CLVS1: variants seen among roughly 807,000 people sequenced by gnomAD.
CLVS1 encodes clavesin 1.
CLVS1 carries 10 observed loss-of-function variants against 33.1 expected under a neutral mutation model. The observed-to-expected ratio is 0.30, with a 90% CI of 0.19 to 0.51. The LOEUF is 0.51. Ranked by LOEUF, CLVS1 falls within the 20% of genes least tolerant of loss-of-function variation. The pLI is 0.97. For missense variants in CLVS1, 343 were observed against 433.4 expected (o/e 0.79, Z 1.85); for synonymous variants, 163 against 166.1 (o/e 0.98, Z 0.14).
At chr8:61,173,243 C>A (rs1236016755) in intron 2 of CLVS1, among the ~76,000 whole-genome samples, 1 of 152,112 alleles carries the variant, frequency 6.6e-6, no homozygotes, top group Admixed American at 6.6e-5. Context: ...GGAATATCAA[C>A]CTATTAATGC....
At chr8:61,184,665 C>T (rs549845352) in intron 2 of CLVS1, among the ~76,000 whole-genome samples, 2 of 152,200 alleles carry the variant, frequency 1.3e-5, no homozygotes, top group African/African-American at 4.8e-5. Flanking sequence ...CATTATCTTT[C>T]CCTGCACCCC....
the CLVS1 span, among the ~76,000 whole-genome samples, chr8:61,014,304 T>A: frequency 6.6e-6 from 1 of 152,182 alleles, no homozygotes; most frequent in Non-Finnish European, 1.5e-5. Context: ...TGGAAACTCC[T>A]CCTTTCTACT....
chr8:61,408,526 G>T (rs992769473), intron 3 of CLVS1, among the ~76,000 whole-genome samples: 4 of 152,052 alleles, frequency 2.6e-5, no homozygotes, highest in Admixed American at 2.6e-4. Flanking sequence ...CCAGGCCAGG[G>T]GACTGGGTTT....
At chr8:61,212,293 G>A (rs1361974055) in intron 2 of CLVS1, among the ~76,000 whole-genome samples, 2 of 152,284 alleles carry the variant, frequency 1.3e-5, no homozygotes, top group Admixed American at 6.5e-5. Flanking sequence ...GGAAGAGTGC[G>A]GATCAAACGG....
At chr8:61,329,892 C>T (rs922881167) in intron 2 of CLVS1, among the ~76,000 whole-genome samples, 1 of 152,086 alleles carries the variant, frequency 6.6e-6, no homozygotes, top group Non-Finnish European at 1.5e-5. Context: ...CCAGTACTGC[C>T]TATTGACCTG....
chr8:61,463,075 T>C (rs909444163), intron 5 of CLVS1, among the ~76,000 whole-genome samples: 1 of 152,260 alleles, frequency 6.6e-6, no homozygotes, highest in African/African-American at 2.4e-5. Context: ...TCATCTTCTA[T>C]ATCATCACTT....
intron 2 of CLVS1, among the ~76,000 whole-genome samples, chr8:61,166,372 G>C (rs997278185): frequency 5.9e-5 from 9 of 152,030 alleles, no homozygotes; most frequent in Non-Finnish European, 1.2e-4. Context: ...AACCTCAGGT[G>C]ATCCTCCTGC....
intron 3 of CLVS1, among the ~76,000 whole-genome samples, chr8:61,453,518 C>A (rs906157558): frequency 6.6e-6 from 1 of 152,200 alleles, no homozygotes; most frequent in Non-Finnish European, 1.5e-5. Flanking sequence ...CAACAAGTAT[C>A]TTTTCCCTAG....
intron 2 of CLVS1, among the ~76,000 whole-genome samples, chr8:61,216,383 A>C (rs1156665655): frequency 6.6e-6 from 1 of 152,176 alleles, no homozygotes; most frequent in East Asian, 1.9e-4. Flanking sequence ...ATATCTGTTG[A>C]GCTCCATCCA....
the CLVS1 span, among the ~76,000 whole-genome samples, chr8:61,010,125 G>A: frequency 1.7e-3 from 259 of 152,260 alleles, 1 homozygote; most frequent in African/African-American, 5.9e-3. Flanking sequence ...CTTGAACCTG[G>A]CCCCAAATGT....
Position 61,152,361 on chromosome 8 carries a change from T to C in CLVS1, c.-152+20501T>C, listed in dbSNP as rs142899464. Among the ~76,000 whole-genome samples, 875 of 152,282 alleles carry C rather than the reference T, an allele frequency of 5.7e-3. 5 individuals carry two copies. The highest frequency in any genetic ancestry group is 8.4e-3 in the Non-Finnish European group (570 of 68,026). ...CATCTGAACCTAACTACCTCCTGTC[T>C]CAGCCCGTTTGTACTGCTATAACAA... is the stretch of plus-strand genomic sequence containing the variant. On this transcript the variant is annotated intron_variant, in intron 2 of 2. Transcript: ENST00000522621.
chr8:61,331,912 A>T (rs1383826130), intron 2 of CLVS1, among the ~76,000 whole-genome samples: 1 of 145,796 alleles, frequency 6.9e-6, no homozygotes, highest in African/African-American at 2.6e-5. Context: ...AAGTTTTCTC[A>T]TGTGTCACTG....
intron 1 of CLVS1, among the ~76,000 whole-genome samples, chr8:61,064,770 T>C (rs939620557): frequency 1.3e-5 from 2 of 151,802 alleles, no homozygotes; most frequent in Non-Finnish European, 2.9e-5. Flanking sequence ...GGCATGATCT[T>C]GGCTCACTGC....
At chr8:61,331,384 A>G (rs1161752371) in intron 2 of CLVS1, among the ~76,000 whole-genome samples, 1 of 152,014 alleles carries the variant, frequency 6.6e-6, no homozygotes, top group Non-Finnish European at 1.5e-5. Context: ...TTCAGTCTGA[A>G]AAATCATGTT....
At chr8:61,297,151 C>T (rs943851570) in intron 1 of CLVS1, among the ~76,000 whole-genome samples, 3 of 152,028 alleles carry the variant, frequency 2.0e-5, no homozygotes, top group African/African-American at 7.2e-5. Flanking sequence ...AGTAAAGAGA[C>T]CAGAAGATGA....
intron 2 of CLVS1, among the ~76,000 whole-genome samples, chr8:61,139,480 G>A (rs1181232493): frequency 6.6e-6 from 1 of 152,230 alleles, no homozygotes; most frequent in Admixed American, 6.5e-5. Context: ...CTGCGGGCAG[G>A]AGCCGGGGAC....
intron 2 of CLVS1, among the ~76,000 whole-genome samples, chr8:61,180,987 A>G (rs1807217686): frequency 6.6e-6 from 1 of 152,230 alleles, no homozygotes; most frequent in South Asian, 2.1e-4. Flanking sequence ...AGTTCTGGCC[A>G]GGGCAATAAG....
In CLVS1 at chr8:61,226,619, C is replaced by T. The variant is rs771931342; in HGVS notation, c.-151-73058C>T. On this transcript the variant is annotated intron_variant, in intron 2 of 2. Transcript: ENST00000522621. ...TCTTGGAGCAGCATTTGTGACTGAA[C>T]TATTTGCCCTTGAAATCAATAAAAT... 3.9e-5 allele frequency among the ~76,000 whole-genome samples: 6 copies of T among 152,120 alleles called. No homozygotes were observed. The South Asian group carries it at 1.2e-3, about 31-fold the overall frequency.
intron 5 of CLVS1, among the ~76,000 whole-genome samples, chr8:61,492,385 T>A (rs1169133148): frequency 1.3e-5 from 2 of 152,242 alleles, no homozygotes; most frequent in African/African-American, 4.8e-5. Context: ...TACATTACCT[T>A]TTACAGTCCA....
Sources: allele counts gnomAD v4.1 joint callset (sites outside exome capture counted in the v4.1 genomes callset), GRCh38; gene constraint gnomAD v4.1.1; transcripts MANE v1.5; gene names NCBI Gene and HGNC (gene_info 2026-07-23, HGNC 2026-07-21).